CEP131: variants seen among roughly 807,000 people sequenced by gnomAD.
CEP131 encodes centrosomal protein 131.
CEP131 carries 99 observed loss-of-function variants against 136.8 expected under a neutral mutation model. That is an observed-to-expected ratio of 0.72 (90% confidence interval 0.62 to 0.86). The LOEUF (loss-of-function observed/expected upper bound fraction) is 0.86. CEP131 is among the 40% of genes least tolerant of loss of function. CEP131 has a pLI of 0.00. For synonymous variants in CEP131, 646 were observed against 612.7 expected (o/e 1.05, Z -0.80); for missense variants, 1,459 against 1,463.0 (o/e 1.00, Z 0.04).
chr17:81,196,020 A>C lies in CEP131; in HGVS notation c.1900-69T>G, dbSNP rs1042733713. 3.8e-6 allele frequency: 5 copies of C among 1,332,762 alleles called. No individual in the cohort carries two copies. The African/African-American group carries it at 4.3e-5, about 12-fold the overall frequency. The allele number at this position is 1,332,762 out of a possible 1,614,324, so 82.6% of individuals were successfully genotyped here. On this transcript the variant is annotated intron_variant, in intron 15 of 25. Transcript: ENST00000450824. ...CCCAGCAGGACCCCTGATGGAGGAG[A>C]CCCTCCCAGCCTCCGAGGGAGGCTA...
At chr17:81,192,443 G>A in intron 20 of CEP131, 33 bp downstream of exon 20, 1 of 1,611,866 alleles carries the variant, frequency 6.2e-7, no homozygotes, top group African/African-American at 1.3e-5. Flanking sequence ...GCAGCCCCCT[G>A]GCCAGGCCCA....
At chr17:81,212,644 T>C (rs1326469240) in intron 2 of CEP131, among the ~76,000 whole-genome samples, 5 of 151,480 alleles carry the variant, frequency 3.3e-5, no homozygotes, top group Non-Finnish European at 5.9e-5. Context: ...GTTCTTCCCA[T>C]GGGGTTTGGG....
At chr17:81,221,964 C>T (rs1285090203) in intron 1 of CEP131, among the ~76,000 whole-genome samples, 4 of 152,208 alleles carry the variant, frequency 2.6e-5, no homozygotes, top group African/African-American at 9.6e-5. Flanking sequence ...GATGGATACC[C>T]CTACTCCCTA....
In CEP131 at chr17:81,215,022, T is replaced by A. The variant is rs2062215760; in HGVS notation, c.177+4858A>T. Among the ~76,000 whole-genome samples the A allele has an allele frequency of 6.6e-6, 1 of 151,984 alleles. No individual in the cohort carries two copies. Among genetic ancestry groups the A allele is most frequent in the Non-Finnish European group, 1.5e-5 (1 of 67,998 alleles). The stretch of plus-strand genomic sequence containing the variant: ...TCAATCTCCTGGCCTCGTGATCTGC[T>A]TGCCTCAACCTCCCAAAGTGCTGGG... On this transcript the variant is annotated intron_variant, in intron 2 of 25. Transcript: ENST00000450824. The surrounding 1 kb of genome is among the most constrained non-coding windows in gnomAD (Gnocchi z 4.1).
chr17:81,216,166 C>T (rs942374198), intron 2 of CEP131, among the ~76,000 whole-genome samples: 1 of 152,082 alleles, frequency 6.6e-6, no homozygotes, highest in African/African-American at 2.4e-5. Context: ...TCAAGACCAG[C>T]CTGACCAACA....
intron 5 of CEP131, among the ~76,000 whole-genome samples, chr17:81,204,865 G>T (rs546603052): frequency 6.6e-6 from 1 of 152,002 alleles, no homozygotes; most frequent in Admixed American, 6.6e-5. Flanking sequence ...TTCTTGGAGC[G>T]CGGCTCATCT....
At chr17:81,194,652 G>T (rs1159018752) in intron 17 of CEP131, among the ~76,000 whole-genome samples, 2 of 152,270 alleles carry the variant, frequency 1.3e-5, no homozygotes, top group Non-Finnish European at 2.9e-5. Flanking sequence ...TAGATGCTGG[G>T]GGCTGGGCCA....
At chr17:81,193,842 C>T (rs2146509840) in intron 18 of CEP131, 84 bp downstream of exon 18, 2 of 1,436,130 alleles carry the variant, frequency 1.4e-6, no homozygotes, top group African/African-American at 1.4e-5. Context: ...CCCACCTCTA[C>T]ATGGGAACTC....
rs541722654 is a variant in CEP131, at chr17:81,201,261, G to A, written c.789-815C>T. ...CCCCTTCCCTCGTGCCACCCACCGCGTCTACAGGCCTGGTCTCCCTAGCCC... is the reference window on the plus strand; with the variant it reads ...CCCCTTCCCTCGTGCCACCCACCGCATCTACAGGCCTGGTCTCCCTAGCCC... On this transcript the variant is annotated intron_variant, in intron 7 of 25. Transcript: ENST00000450824. Among the ~76,000 whole-genome samples the A allele has an allele frequency of 2.4e-4, 37 of 152,256 alleles. 2 individuals carry two copies. Among genetic ancestry groups the A allele is most frequent in the African/African-American group, 8.7e-4 (36 of 41,544 alleles).
chr17:81,189,810 G>A lies in CEP131; in HGVS notation c.3202C>T (p.Leu1068=). 6.2e-7 allele frequency: 1 copy of A among 1,611,252 alleles called. No homozygotes were observed. The highest frequency in any genetic ancestry group is 8.5e-7 in the Non-Finnish European group (1 of 1,179,130). The change falls in exon 26 of 26, where the codon CTG becomes TTG. Residue 1068 remains leucine, a synonymous_variant. Coordinates refer to ENST00000450824, the MANE Select transcript of CEP131 (RefSeq NM_014984.4). ...AVKRADHLEE[L]LEQHRRPTPS... ...GTGGGCCTCCTGTGCTGCTCCAGCA[G>A]CTCCTCCAGGTGGTCGGCCCGCTTC... is the stretch of plus-strand genomic sequence containing the variant.
intron 15 of CEP131, 35 bp downstream of exon 15, chr17:81,196,666 T>A (rs1209783376): frequency 1.2e-5 from 19 of 1,587,024 alleles, no homozygotes; most frequent in Admixed American, 1.7e-5. Context: ...AGCCACGCGC[T>A]GGGTCCGGGC....
chr17:81,191,398 C>T (rs1168813922), intron 21 of CEP131, 63 bp from the exon 22 acceptor site: 2 of 1,557,370 alleles, frequency 1.3e-6, no homozygotes, highest in Non-Finnish European at 1.8e-6. Context: ...CCAGGGCCAG[C>T]CTCAGGGGGT....
chr17:81,197,735 C>T lies in CEP131; in HGVS notation c.1624G>A (p.Asp542Asn). The change falls in exon 13 of 26, where the codon GAC becomes AAC. Residue 542 changes from aspartate to asparagine, a missense_variant. Transcript: ENST00000450824. ...FLDEMEKSGQDQLDSQQEGWV... is the reference protein window; with the variant it reads ...FLDEMEKSGQNQLDSQQEGWV... ...ACCTCCTGCTGGGAGTCCAGCTGGT[C>T]CTGCCCAGACTTCTCCATCTCGTCC... 1 of 1,612,378 alleles carries T rather than the reference C, an allele frequency of 6.2e-7. No homozygotes were observed. Among genetic ancestry groups the T allele is most frequent in the Non-Finnish European group, 8.5e-7 (1 of 1,179,660 alleles).
rs768882809 is a variant in CEP131 at position 81,203,630 on chromosome 17, G to A, written c.516-23C>T. The A allele has an allele frequency of 6.4e-6, 10 of 1,552,594 alleles. No homozygotes were observed. The South Asian group carries it at 1.2e-4, about 18-fold the overall frequency. On this transcript the variant is annotated intron_variant, in intron 5 of 25. Transcript: ENST00000450824. This position sits in a 1 kb window ranked among gnomAD's most constrained non-coding sequence, Gnocchi z 4.6. ...CTCCTGCCAGGCCGGAAGAGAGACA[G>A]GAATGGTCAGGCCTCTGGAGGGGAC...
chr17:81,208,871 TG>T lies in CEP131; in HGVS notation c.272+56del. 2.2e-6 allele frequency: 3 copies of T among 1,371,410 alleles called. No homozygotes were observed. The highest frequency in any genetic ancestry group is 2.1e-6 in the Non-Finnish European group (2 of 969,848). The allele number at this position is 1,371,410 out of a possible 1,614,324, so 85.0% of individuals were successfully genotyped here. On this transcript the variant is annotated intron_variant, in intron 3 of 25. Transcript: ENST00000450824. The surrounding 1 kb of genome is among the most constrained non-coding windows in gnomAD (Gnocchi z 5.6). ...AGAGGCAGGGAGGAGCAGGCCAGGG[TG>T]GGGCACCTGAGGTCCCGGGAAGGGG...
At chr17:81,201,506 G>A (rs980655434) in intron 7 of CEP131, among the ~76,000 whole-genome samples, 2 of 152,204 alleles carry the variant, frequency 1.3e-5, no homozygotes, top group African/African-American at 4.8e-5. Flanking sequence ...AGCTTTGGGT[G>A]TTGTTGGCTT....
intron 2 of CEP131, among the ~76,000 whole-genome samples, chr17:81,210,445 C>T (rs1449976398): frequency 6.6e-6 from 1 of 152,092 alleles, no homozygotes; most frequent in African/African-American, 2.4e-5. Flanking sequence ...TGGCGGGTGC[C>T]TGTAGTCCCA....
chr17:81,205,169 G>C (rs921850320), intron 5 of CEP131, among the ~76,000 whole-genome samples: 1 of 151,770 alleles, frequency 6.6e-6, no homozygotes, highest in Non-Finnish European at 1.5e-5. Flanking sequence ...TGAGGCAAGA[G>C]AATCACTGGA....
Position 81,196,798 on chromosome 17 carries a change from C to A in CEP131, c.1802G>T (p.Arg601Leu). The A allele has an allele frequency of 6.3e-7, 1 of 1,590,866 alleles. No homozygotes were observed. The highest frequency in any genetic ancestry group is 1.8e-5 in the Admixed American group (1 of 56,376). Residue 601 changes from arginine to leucine, a missense_variant, in exon 15 of 26, where the codon CGG becomes CTG. Physicochemically the swap from Arg to Leu is moderately radical, Grantham distance 102. Transcript: ENST00000450824. ...LAQQRDLTAR[R>L]VKETEKALSR... ...CAGCGCCTTCTCTGTCTCCTTGACC[C>A]GCCGGGCCGTGAGGTCTCGCTGCTG...
Sources: gnomAD v4.1 joint callset for allele counts (sites outside exome capture counted in the v4.1 genomes callset) on GRCh38, gnomAD v4.1.1 for gene constraint, Gnocchi (gnomAD v3.1) non-coding constraint, MANE v1.5 for transcripts, NCBI Gene and HGNC (gene_info 2026-07-23, HGNC 2026-07-21) for gene names.